UBE2E2: variants seen among roughly 807,000 people sequenced by gnomAD.
UBE2E2 encodes the protein ubiquitin-conjugating enzyme E2 E2.
UBE2E2 carries 6 observed loss-of-function variants against 24.7 expected under a neutral mutation model. The ratio of observed to expected loss-of-function variants is 0.24; its 90% CI spans 0.13 to 0.48. UBE2E2 has a LOEUF of 0.48. Ranked by LOEUF, UBE2E2 falls within the 20% of genes least tolerant of loss-of-function variation. The probability of loss-of-function intolerance (pLI) is 0.99; values close to 1 mark genes in which losing one functional copy is unlikely to be tolerated. For synonymous variants in UBE2E2, 104 were observed against 83.6 expected (o/e 1.24, Z -1.33); for missense variants, 169 against 245.0 (o/e 0.69, Z 2.07).
intron 3 of UBE2E2, among the ~76,000 whole-genome samples, chr3:23,412,156 C>T (rs1045036491): frequency 8.6e-5 from 13 of 151,878 alleles, no homozygotes; most frequent in Non-Finnish European, 1.9e-4. Flanking sequence ...AGTTATAATC[C>T]CATATTTAAA....
intron 3 of UBE2E2, among the ~76,000 whole-genome samples, chr3:23,344,045 G>C (rs1695476999): frequency 6.6e-6 from 1 of 152,120 alleles, no homozygotes; most frequent in Non-Finnish European, 1.5e-5. Context: ...TAGTTTTCAA[G>C]TGAACTCTCT....
chr3:23,373,694 C>G (rs949047402), intron 3 of UBE2E2, among the ~76,000 whole-genome samples: 4 of 152,138 alleles, frequency 2.6e-5, no homozygotes, highest in Admixed American at 6.6e-5. Context: ...ATAGTCTACT[C>G]TTATGCTAGG....
At chr3:23,306,934 TCAACTGATGACTTAAGGAA>T (rs1313452645) in intron 3 of UBE2E2, among the ~76,000 whole-genome samples, 6 of 152,182 alleles carry the variant, frequency 3.9e-5, no homozygotes, top group African/African-American at 1.4e-4. Context: ...TAAGCAAATC[TCAACTGATGACTTAAGGAA>T]AATTGACACA....
chr3:23,243,547 A>G (rs1697310750), intron 3 of UBE2E2, among the ~76,000 whole-genome samples: 1 of 152,174 alleles, frequency 6.6e-6, no homozygotes, highest in African/African-American at 2.4e-5. Context: ...TATTCGTTTT[A>G]GATTAATGGC....
chr3:23,220,772 C>G (rs919209719), intron 3 of UBE2E2, among the ~76,000 whole-genome samples: 1 of 152,194 alleles, frequency 6.6e-6, no homozygotes, highest in South Asian at 2.1e-4. Flanking sequence ...TTTATCCTTA[C>G]AGACCTCTAA....
intron 5 of UBE2E2, among the ~76,000 whole-genome samples, chr3:23,563,035 G>A (rs1281395714): frequency 1.3e-5 from 2 of 152,068 alleles, no homozygotes; most frequent in East Asian, 1.9e-4. Context: ...TGGATTCATT[G>A]ATTTTTTGAA....
chr3:23,416,249 G>T (rs1697628400), intron 3 of UBE2E2, among the ~76,000 whole-genome samples: 1 of 152,204 alleles, frequency 6.6e-6, no homozygotes, highest in South Asian at 2.1e-4. Flanking sequence ...AATCCTGGTG[G>T]TGACAAAATC....
intron 3 of UBE2E2, among the ~76,000 whole-genome samples, chr3:23,306,896 A>G (rs959804172): frequency 2.0e-4 from 30 of 152,214 alleles, no homozygotes; most frequent in African/African-American, 6.8e-4. Flanking sequence ...ACCAGATTCT[A>G]TTATTAAACA....
chr3:23,475,955 C>T (rs1011051945), intron 3 of UBE2E2, among the ~76,000 whole-genome samples: 1 of 152,084 alleles, frequency 6.6e-6, no homozygotes, highest in African/African-American at 2.4e-5. Context: ...GAGGCCTTCA[C>T]AGGACTGGAG....
intron 3 of UBE2E2, among the ~76,000 whole-genome samples, chr3:23,445,850 G>T (rs896043921): frequency 6.6e-6 from 1 of 152,128 alleles, no homozygotes; most frequent in African/African-American, 2.4e-5. Flanking sequence ...TTAGGGCCCT[G>T]TAACATACTA....
intron 5 of UBE2E2, among the ~76,000 whole-genome samples, chr3:23,586,941 T>C (rs1443145313): frequency 1.3e-5 from 2 of 151,658 alleles, no homozygotes; most frequent in Non-Finnish European, 2.9e-5. Flanking sequence ...ATTAGAAGTG[T>C]AGGAAGAAAA....
intron 3 of UBE2E2, among the ~76,000 whole-genome samples, chr3:23,350,842 T>C (rs977637713): frequency 2.0e-5 from 3 of 152,118 alleles, no homozygotes; most frequent in African/African-American, 7.2e-5. Flanking sequence ...ACTTCCCCAA[T>C]CTAGCAAGGC....
intron 3 of UBE2E2, among the ~76,000 whole-genome samples, chr3:23,234,066 CA>C (rs1414847668): frequency 1.7e-4 from 26 of 151,950 alleles, no homozygotes; most frequent in Non-Finnish European, 1.6e-4. Context: ...ACTTTGAGGT[CA>C]GGGGGAAAAG....
At chr3:23,348,089 A>G (rs539134815) in intron 3 of UBE2E2, among the ~76,000 whole-genome samples, 3 of 152,180 alleles carry the variant, frequency 2.0e-5, no homozygotes, top group East Asian at 1.9e-4. Context: ...CTCACCATCA[A>G]TCATCGCAAG....
chr3:23,240,374 A>C lies in UBE2E2; in HGVS notation c.227+23062A>C, dbSNP rs1194898225. ...TTTTTCCTATGTGGTAAATTGTTCA[A>C]ACACTTACCAAATAAACAGCTAACT... is the stretch of plus-strand genomic sequence containing the variant. On this transcript the variant is annotated intron_variant, in intron 3 of 5. Transcript: ENST00000396703. 2.0e-5 allele frequency among the ~76,000 whole-genome samples: 3 copies of C among 152,240 alleles called. No homozygotes were observed. The East Asian group carries it at 5.8e-4, about 29-fold the overall frequency.
At chr3:23,561,125 A>G (rs1559422201) in intron 5 of UBE2E2, among the ~76,000 whole-genome samples, 1 of 152,180 alleles carries the variant, frequency 6.6e-6, no homozygotes, top group Non-Finnish European at 1.5e-5. Context: ...TTGGTGTTTT[A>G]GACATGAAGT....
chr3:23,449,896 G>A (rs528532504), intron 3 of UBE2E2: 30 of 985,428 alleles, frequency 3.0e-5, no homozygotes, highest in South Asian at 9.4e-5. Flanking sequence ...CCACCAGTGC[G>A]GAGGCCCCAC....
chr3:23,487,089 C>A (rs75407011), intron 3 of UBE2E2, among the ~76,000 whole-genome samples: 4,397 of 152,322 alleles, frequency 0.029, 108 homozygotes, highest in East Asian at 0.13. Context: ...GGCCTCCCTC[C>A]CTGAGTTCGT....
intron 3 of UBE2E2, among the ~76,000 whole-genome samples, chr3:23,436,294 C>CT (rs1423316007): frequency 6.6e-6 from 1 of 152,190 alleles, no homozygotes; most frequent in Non-Finnish European, 1.5e-5. Context: ...TGATTGTGAA[C>CT]TTTCATGACT....
Sources: allele counts gnomAD v4.1 joint callset (sites outside exome capture counted in the v4.1 genomes callset), GRCh38; gene constraint gnomAD v4.1.1; transcripts MANE v1.5; gene names NCBI Gene and HGNC (gene_info 2026-07-23, HGNC 2026-07-21).